Variants in N4BP2L2 observed in about 807,000 individuals in gnomAD.
N4BP2L2 encodes the protein NEDD4-binding protein 2-like 2.
In N4BP2L2, 50 loss-of-function variants were observed where a neutral mutation model predicts 56.2. The ratio of observed to expected loss-of-function variants is 0.89; its 90% CI spans 0.71 to 1.13. N4BP2L2 has a LOEUF of 1.13. Among genes scored for constraint, N4BP2L2 ranks in the 50% most tolerant of loss-of-function variants. The pLI is 0.00. For synonymous variants in N4BP2L2, 203 were observed against 223.6 expected (o/e 0.91, Z 0.82); for missense variants, 689 against 693.8 (o/e 0.99, Z 0.08).
At chr13:32,494,955 T>C (rs549568181) in intron 6 of N4BP2L2, among the ~76,000 whole-genome samples, 45 of 152,116 alleles carry the variant, frequency 3.0e-4, no homozygotes, top group Non-Finnish European at 5.7e-4. Flanking sequence ...CTGGCAGACA[T>C]AGAAACACAT....
intron 6 of N4BP2L2, among the ~76,000 whole-genome samples, chr13:32,455,708 C>T (rs541276923): frequency 6.6e-6 from 1 of 152,326 alleles, no homozygotes; most frequent in African/African-American, 2.4e-5. Flanking sequence ...CAGCCTAACA[C>T]TGCCTCCCCA....
chr13:32,521,416 C>T, exon 5 of N4BP2L2: 2 of 1,613,156 alleles, frequency 1.2e-6, no homozygotes, highest in Non-Finnish European at 1.7e-6. Context: ...GTTTCAGGTT[C>T]ATGAAACTCT....
rs553906870 is a variant in N4BP2L2, at chr13:32,491,124, T to C, written c.365+26733A>G. ...AAACCGAAATAGAACCCAGAGAAAA[T>C]CCATAGTTCTGAGATTCTGAAGGGA... On this transcript the variant is annotated intron_variant, in intron 6 of 9. Coordinates refer to the N4BP2L2 transcript ENST00000357505. 4.0e-5 allele frequency among the ~76,000 whole-genome samples: 6 copies of C among 151,620 alleles called. No homozygotes were observed. In the East Asian group the frequency reaches 1.2e-3, roughly 29 times the overall value.
In N4BP2L2 at chr13:32,500,842, C is replaced by A. The variant is rs1593899150; in HGVS notation, c.365+17015G>T. 2.0e-5 allele frequency among the ~76,000 whole-genome samples: 3 copies of A among 150,126 alleles called. No individual in the cohort carries two copies. The East Asian group carries it at 5.9e-4, about 29-fold the overall frequency. ...CCCTTCTGTCTACTGAGTCTTATGA[C>A]AACTCTGTCACTTTAGTCTTTTCTT... On this transcript the variant is annotated intron_variant, in intron 6 of 9. Coordinates refer to the N4BP2L2 transcript ENST00000357505.
At chr13:32,438,076 T>C (rs547698867) in intron 8 of N4BP2L2, among the ~76,000 whole-genome samples, 1 of 152,364 alleles carries the variant, frequency 6.6e-6, no homozygotes, top group East Asian at 1.9e-4. Flanking sequence ...GATCAAATCA[T>C]GGTAATCAGC....
At chr13:32,443,263 G>A (rs201507558) in exon 7 of N4BP2L2, 14 of 1,613,926 alleles carry the variant, frequency 8.7e-6, no homozygotes, top group East Asian at 4.5e-5. Context: ...TGCTGCCACC[G>A]AAGTGAAGAT....
At chr13:32,473,348 C>T (rs1328519719) in intron 6 of N4BP2L2, among the ~76,000 whole-genome samples, 2 of 151,512 alleles carry the variant, frequency 1.3e-5, no homozygotes, top group Admixed American at 6.6e-5. Context: ...AAATCAAATA[C>T]ATTATCAAAT....
intron 6 of N4BP2L2, among the ~76,000 whole-genome samples, chr13:32,500,863 T>G (rs905930289): frequency 7.9e-5 from 11 of 138,668 alleles, no homozygotes; most frequent in African/African-American, 2.3e-4. Context: ...CTTTAGTCTT[T>G]TCTTTTTTTT....
chr13:32,491,560 TACTATATATAA>T (rs2087070419), intron 6 of N4BP2L2, among the ~76,000 whole-genome samples: 1 of 147,532 alleles, frequency 6.8e-6, no homozygotes, highest in African/African-American at 2.5e-5. Flanking sequence ...ATATAAACTA[TACTATATATAA>T]ACTATATATA....
chr13:32,448,700 G>A (rs964654975), intron 6 of N4BP2L2, among the ~76,000 whole-genome samples: 1 of 152,052 alleles, frequency 6.6e-6, no homozygotes, highest in Non-Finnish European at 1.5e-5. Flanking sequence ...CATGGTAAGT[G>A]ATAACCCTCA....
At chr13:32,479,580 C>T (rs1385745637) in intron 6 of N4BP2L2, among the ~76,000 whole-genome samples, 1 of 149,388 alleles carries the variant, frequency 6.7e-6, no homozygotes, top group Non-Finnish European at 1.5e-5. Context: ...TGCGCCCCGC[C>T]AGTAATTATT....
chr13:32,443,262 C>G lies in N4BP2L2; in HGVS notation c.1230G>C (p.Ser410=), dbSNP rs779630327. 3 of 1,613,806 alleles carry G rather than the reference C, an allele frequency of 1.9e-6. No homozygotes were observed. The African/African-American group carries it at 4.0e-5, about 22-fold the overall frequency. The change falls in exon 7 of 10, where the codon TCG becomes TCC. Residue 410 remains serine, a synonymous_variant. Coordinates refer to the N4BP2L2 transcript ENST00000357505. The stretch of plus-strand genomic sequence containing the variant: ...TGTTTCCTGGTTCTGATGCTGCCAC[C>G]GAAGTGAAGATCATTTGAATCCATT...
At chr13:32,490,313 T>A (rs2086780355) in intron 6 of N4BP2L2, among the ~76,000 whole-genome samples, 1 of 152,028 alleles carries the variant, frequency 6.6e-6, no homozygotes, top group Non-Finnish European at 1.5e-5. Context: ...TGTTTGTTTG[T>A]TTGTTTTGGA....
chr13:32,526,816 C>CTGTTTTTTTTTT (rs2052989188), intron 3 of N4BP2L2: 1 of 7,550 alleles, frequency 1.3e-4, no homozygotes, highest in Non-Finnish European at 3.4e-4. Flanking sequence ...CACTTTTTGT[C>CTGTTTTTTTTTT]TGTTTTTTTT....
At chr13:32,499,909 G>C (rs551868001) in intron 6 of N4BP2L2, among the ~76,000 whole-genome samples, 3 of 152,160 alleles carry the variant, frequency 2.0e-5, no homozygotes, top group African/African-American at 7.2e-5. Flanking sequence ...ACCATTCATG[G>C]CAATGCTCTA....
chr13:32,438,630 A>T, intron 8 of N4BP2L2: 1 of 1,535,082 alleles, frequency 6.5e-7, no homozygotes, highest in Non-Finnish European at 9.0e-7. Flanking sequence ...ATACATACAC[A>T]CACACACACA....
At chr13:32,483,998 A>G (rs1426251793) in intron 6 of N4BP2L2, among the ~76,000 whole-genome samples, 5 of 151,196 alleles carry the variant, frequency 3.3e-5, no homozygotes, top group African/African-American at 1.2e-4. Context: ...AAGAAAAAAA[A>G]AAAAAAAGAA....
At chr13:32,500,733 A>G (rs1360668047) in intron 6 of N4BP2L2, among the ~76,000 whole-genome samples, 5 of 151,472 alleles carry the variant, frequency 3.3e-5, no homozygotes, top group Non-Finnish European at 7.4e-5. Flanking sequence ...AAAAAAAAGT[A>G]CTATTATTCT....
At chr13:32,440,552 C>T (rs57634295) in intron 7 of N4BP2L2, among the ~76,000 whole-genome samples, 1,783 of 152,020 alleles carry the variant, frequency 0.012, 42 homozygotes, top group African/African-American at 0.041. Flanking sequence ...CTGCAACCTC[C>T]GCCTCCCAGG....
Sources: allele counts gnomAD v4.1 joint callset (sites outside exome capture counted in the v4.1 genomes callset), GRCh38; gene constraint gnomAD v4.1.1; transcripts MANE v1.5; gene names NCBI Gene and HGNC (gene_info 2026-07-23, HGNC 2026-07-21).